The following ADAM12 variants were observed in gnomAD, a reference collection of about 807,000 sequenced individuals.
ADAM12 encodes the protein ADAM metallopeptidase domain 12, also known as disintegrin and metalloproteinase domain-containing protein 12.
A neutral mutation model predicts 106.4 loss-of-function variants in ADAM12; 70 were observed. That is an observed-to-expected ratio of 0.66 (90% CI 0.54 to 0.80). ADAM12 has a LOEUF of 0.80. Among genes scored for constraint, ADAM12 ranks in the 30% least tolerant of loss-of-function variants. The pLI, the probability that ADAM12 is intolerant of heterozygous loss-of-function variation, is 0.00. For missense variants in ADAM12, 1,010 were observed against 1,171.9 expected, an observed-to-expected ratio of 0.86 and a Z score of 2.02; for synonymous variants, 420 against 433.5, an observed-to-expected ratio of 0.97 and a Z score of 0.39.
chr10:126,307,741 T>C (rs965414184), intron 2 of ADAM12, among the ~76,000 whole-genome samples: 2 of 152,122 alleles, frequency 1.3e-5, no homozygotes, highest in South Asian at 2.1e-4. Context: ...GGTTTCACTA[T>C]GTTGGCCAGG....
intron 2 of ADAM12, among the ~76,000 whole-genome samples, chr10:126,279,716 A>G (rs892269581): frequency 1.7e-5 from 2 of 120,754 alleles, no homozygotes; most frequent in African/African-American, 5.6e-5. Flanking sequence ...AACAAGAGCG[A>G]AACTTCGTCT....
intron 1 of ADAM12, among the ~76,000 whole-genome samples, chr10:126,342,827 G>A (rs895202921): frequency 2.6e-5 from 4 of 151,878 alleles, no homozygotes; most frequent in Non-Finnish European, 4.4e-5. Flanking sequence ...TCATCCAAGG[G>A]AGCAGTTTTT....
intron 9 of ADAM12, among the ~76,000 whole-genome samples, chr10:126,099,294 A>C (rs1955614308): frequency 6.6e-6 from 1 of 152,214 alleles, no homozygotes; most frequent in South Asian, 2.1e-4. Flanking sequence ...ATTGTTTGAA[A>C]AGTTAGATAT....
intron 3 of ADAM12, among the ~76,000 whole-genome samples, chr10:126,236,731 CACAGGAAGGAGCACCT>C (rs1157140698): frequency 1.3e-5 from 2 of 151,298 alleles, no homozygotes; most frequent in Admixed American, 1.3e-4. Flanking sequence ...AAGGAGTACT[CACAGGAAGGAGCACCT>C]ACAGGAAGGA....
intron 1 of ADAM12, among the ~76,000 whole-genome samples, chr10:126,380,054 C>T (rs1487784821): frequency 6.6e-6 from 1 of 152,088 alleles, no homozygotes; most frequent in Non-Finnish European, 1.5e-5. Context: ...TAAATAGTTG[C>T]CAAGAAGCTG....
chr10:126,193,448 T>C (rs774314668), intron 3 of ADAM12, among the ~76,000 whole-genome samples: 1 of 152,124 alleles, frequency 6.6e-6, no homozygotes, highest in Non-Finnish European at 1.5e-5. Context: ...CTGCCACTGG[T>C]CAAATACATT....
At position 126,066,594 on chromosome 10, in the gene ADAM12, G is replaced by T; in HGVS notation, c.1413+123C>A. ...TAACACCAACTGGCGTGAGAAGGAGGGATGGTGCGTGCTGTGGTGAGTGCT... is the reference window on the plus strand; with the variant it reads ...TAACACCAACTGGCGTGAGAAGGAGTGATGGTGCGTGCTGTGGTGAGTGCT... On this transcript the variant is annotated intron_variant, in intron 13 of 22. Transcript: ENST00000448723. This position sits in a 1 kb window ranked among gnomAD's most constrained non-coding sequence, Gnocchi z 5.1. 1.2e-6 allele frequency: 1 copy of T among 861,148 alleles called. No homozygotes were observed. Among genetic ancestry groups the T allele is most frequent in the Middle Eastern group, 3.4e-4 (1 of 2,982 alleles). 53.3% of individuals were successfully genotyped at this position (861,148 alleles called of 1,614,324 possible).
chr10:126,183,194 G>T (rs903424412), intron 3 of ADAM12, among the ~76,000 whole-genome samples: 4 of 152,112 alleles, frequency 2.6e-5, no homozygotes, highest in African/African-American at 9.7e-5. Context: ...CAAGCTCAGG[G>T]CTCCCGCTGA....
chr10:126,041,745 A>T, intron 18 of ADAM12: 1 of 1,042,392 alleles, frequency 9.6e-7, no homozygotes, highest in African/African-American at 1.7e-5. Flanking sequence ...GTCACTGGGG[A>T]AAGGGGACAC....
intron 3 of ADAM12, among the ~76,000 whole-genome samples, chr10:126,169,180 T>C (rs986006327): frequency 6.6e-6 from 1 of 152,188 alleles, no homozygotes; most frequent in African/African-American, 2.4e-5. Context: ...CCACCCTTCT[T>C]ATCTTGGTCT....
At chr10:126,223,816 G>A (rs947959930) in intron 3 of ADAM12, among the ~76,000 whole-genome samples, 3 of 152,224 alleles carry the variant, frequency 2.0e-5, no homozygotes, top group African/African-American at 7.2e-5. Flanking sequence ...GGAAAGCTGT[G>A]CATTGGGCAT....
intron 18 of ADAM12, chr10:126,041,404 C>A: frequency 1.4e-5 from 14 of 985,712 alleles, no homozygotes; most frequent in African/African-American, 1.7e-5. Flanking sequence ...TAGGCTCTTA[C>A]ATTGTTTTCA....
chr10:126,388,300 C>A lies in ADAM12; in HGVS notation c.-155G>T, dbSNP rs1474487784. On this transcript the variant is annotated 5_prime_UTR_variant, in exon 1 of 23. Coordinates refer to ENST00000448723, the MANE Select transcript of ADAM12 (RefSeq NM_001288973.2). This position sits in a 1 kb window ranked among gnomAD's most constrained non-coding sequence, Gnocchi z 4.4. ...CCCTCGCGCAGCGCCCGCGCCGCCG[C>A]TGAGCTCTTCTAGCCTTTCATTTTT... is the stretch of plus-strand genomic sequence containing the variant. 1.9e-6 allele frequency: 2 copies of A among 1,076,442 alleles called. No individual in the cohort carries two copies. The highest frequency in any genetic ancestry group is 3.3e-5 in the African/African-American group (2 of 60,164). The allele number at this position is 1,076,442 out of a possible 1,614,324, so 66.7% of individuals were successfully genotyped here. A position where few individuals can be genotyped will look rare whatever the true frequency, so the allele number is the denominator to read the frequency against.
chr10:126,025,624 C>T lies in ADAM12; in HGVS notation c.2530-5799G>A, dbSNP rs560604149. Reference sequence around the variant, plus strand: ...CCCCCAGCAAATTGCAGCAGCCTTACGGAAGAGTGGCCAGACTGTTAAACA... The same window carrying T: ...CCCCCAGCAAATTGCAGCAGCCTTATGGAAGAGTGGCCAGACTGTTAAACA... On this transcript the variant is annotated intron_variant, in intron 21 of 22. Coordinates refer to ENST00000448723, the MANE Select transcript of ADAM12 (RefSeq NM_001288973.2). Among the ~76,000 whole-genome samples, 56 of 152,228 alleles carry T rather than the reference C, an allele frequency of 3.7e-4. 1 individual carries two copies. Among genetic ancestry groups the T allele is most frequent in the Admixed American group, 1.4e-3 (21 of 15,294 alleles).
At chr10:126,378,917 T>C (rs534668516) in intron 1 of ADAM12, among the ~76,000 whole-genome samples, 1 of 152,320 alleles carries the variant, frequency 6.6e-6, no homozygotes, top group Non-Finnish European at 1.5e-5. Context: ...CTTAAAAGTT[T>C]TACTTAGTAT....
At chr10:126,324,105 C>A (rs1854206365) in intron 2 of ADAM12, among the ~76,000 whole-genome samples, 1 of 152,158 alleles carries the variant, frequency 6.6e-6, no homozygotes. Flanking sequence ...CTGTTTCTGC[C>A]ATGTGCAAGG....
intron 10 of ADAM12, among the ~76,000 whole-genome samples, chr10:126,095,846 C>G (rs1015291528): frequency 6.6e-6 from 1 of 152,216 alleles, no homozygotes; most frequent in Admixed American, 6.5e-5. Context: ...ATAAATTATC[C>G]AGTTTCAAGT....
At chr10:126,310,125 C>G (rs1303073375) in intron 2 of ADAM12, among the ~76,000 whole-genome samples, 1 of 150,110 alleles carries the variant, frequency 6.7e-6, no homozygotes, top group Non-Finnish European at 1.5e-5. Flanking sequence ...AGCCACTGCA[C>G]TCCAGCCTGG....
rs1188235835 is a variant in ADAM12, at chr10:126,012,896, A to G, written c.*4383T>C. ...TGTAAAGCTAAAATAATCACATGAT[A>G]CTTATTCTTTGGAGGATTTAAAATG... On this transcript the variant is annotated 3_prime_UTR_variant, in exon 23 of 23. Coordinates refer to ENST00000448723, the MANE Select transcript of ADAM12 (RefSeq NM_001288973.2). 1 of 152,212 alleles carries G rather than the reference A, an allele frequency of 6.6e-6. No individual in the cohort carries two copies. Among genetic ancestry groups the G allele is most frequent in the African/African-American group, 2.4e-5 (1 of 41,452 alleles). 9.4% of individuals were successfully genotyped at this position (152,212 alleles called of 1,614,324 possible).
Sources: gnomAD v4.1 joint callset for allele counts (sites outside exome capture counted in the v4.1 genomes callset) on GRCh38, gnomAD v4.1.1 for gene constraint, Gnocchi (gnomAD v3.1) non-coding constraint, MANE v1.5 for transcripts, NCBI Gene and HGNC (gene_info 2026-07-23, HGNC 2026-07-21) for gene names.